ADSL: variants seen among roughly 807,000 people sequenced by gnomAD.
ADSL encodes the protein adenylosuccinate lyase.
ADSL carries 44 observed loss-of-function variants against 62.1 expected under a neutral mutation model. The observed-to-expected ratio is 0.71, with a 90% CI of 0.56 to 0.91. ADSL has a LOEUF of 0.91. Among genes scored for constraint, ADSL ranks in the 40% least tolerant of loss-of-function variants. The pLI is 0.00. For synonymous variants in ADSL, 198 were observed against 220.5 expected, an observed-to-expected ratio of 0.90 and a Z score of 0.90; for missense variants, 531 against 627.4, an observed-to-expected ratio of 0.85 and a Z score of 1.64.
At chr22:40,353,198 CA>C in intron 3 of ADSL, 81 bp downstream of exon 3, 1 of 1,142,874 alleles carries the variant, frequency 8.7e-7, no homozygotes, top group Non-Finnish European at 1.3e-6. Context: ...TAAATCAACA[CA>C]GTGTAAATTT....
At chr22:40,386,768 C>T (rs2048532433) in intron 2 of ADSL, among the ~76,000 whole-genome samples, 1 of 151,900 alleles carries the variant, frequency 6.6e-6, no homozygotes, top group African/African-American at 2.4e-5. Context: ...CCAAAGGATC[C>T]TTCTAACTCT....
chr22:40,347,580 C>T (rs1174312516), intron 1 of ADSL, among the ~76,000 whole-genome samples: 4 of 152,190 alleles, frequency 2.6e-5, no homozygotes, highest in Non-Finnish European at 5.9e-5. Context: ...GACTTCGGGC[C>T]TAGGACCTGT....
chr22:40,364,674 G>A, intron 11 of ADSL: 1 of 644,574 alleles, frequency 1.6e-6, no homozygotes, highest in Admixed American at 2.4e-5. Flanking sequence ...GCCAGAGCAA[G>A]GTGGGCATCC....
intron 2 of ADSL, among the ~76,000 whole-genome samples, chr22:40,379,649 G>C (rs568689624): frequency 2.0e-4 from 30 of 152,224 alleles, no homozygotes; most frequent in Middle Eastern, 3.4e-3. Context: ...CTTCATGAAG[G>C]CTTTTCCATA....
At chr22:40,363,948 G>C (rs1413186746) in intron 10 of ADSL, among the ~76,000 whole-genome samples, 1 of 152,034 alleles carries the variant, frequency 6.6e-6, no homozygotes, top group South Asian at 2.1e-4. Flanking sequence ...GTGGTGGCGG[G>C]CGCCTGTAGT....
intron 2 of ADSL, among the ~76,000 whole-genome samples, chr22:40,384,393 C>G (rs928161718): frequency 1.3e-5 from 2 of 152,094 alleles, no homozygotes; most frequent in Admixed American, 6.6e-5. Flanking sequence ...GATTTTAAGC[C>G]AGGCACAGTG....
At chr22:40,375,503 C>T (rs1405988724) in intron 2 of ADSL, among the ~76,000 whole-genome samples, 1 of 151,618 alleles carries the variant, frequency 6.6e-6, no homozygotes, top group Non-Finnish European at 1.5e-5. Flanking sequence ...TCACTTGAAC[C>T]TGGGAGGCAT....
intron 2 of ADSL, among the ~76,000 whole-genome samples, chr22:40,384,806 T>A (rs939034685): frequency 6.6e-6 from 1 of 152,130 alleles, no homozygotes; most frequent in Non-Finnish European, 1.5e-5. Flanking sequence ...CATATTTTAA[T>A]GTGTTGTGGT....
downstream of ADSL, among the ~76,000 whole-genome samples, chr22:40,371,574 A>G (rs1309010906): frequency 6.6e-6 from 1 of 152,150 alleles, no homozygotes; most frequent in Non-Finnish European, 1.5e-5. Context: ...ATAGGTACAT[A>G]TGTTTCCCGC....
In ADSL at chr22:40,366,670, T is replaced by C; in HGVS notation, c.*148T>C. 1.5e-6 allele frequency: 1 copy of C among 673,110 alleles called. No individual in the cohort carries two copies. Among genetic ancestry groups the C allele is most frequent in the Non-Finnish European group, 2.7e-6 (1 of 376,918 alleles). 41.7% of individuals were successfully genotyped at this position (673,110 alleles called of 1,614,324 possible). The stretch of plus-strand genomic sequence containing the variant: ...CATGGTGCTTTCCTGTTTCTCAGTC[T>C]CACATTTCTCAACAAGGCAAAAACA... On this transcript the variant is annotated 3_prime_UTR_variant, in exon 13 of 13. Transcript: ENST00000623063.
rs1555905988 is a variant in ADSL, at chr22:40,353,621, C to CTTCTTT, written c.402+506_402+507insCTTTTT. On this transcript the variant is annotated intron_variant, in intron 3 of 12. Coordinates refer to ENST00000623063, the MANE Select transcript of ADSL (RefSeq NM_000026.4). ...GACTAAATGGTTTTTAAAGCATAGC[C>CTTCTTT]TTTTTTTTTTTTTTTTTTTTTTGAG... 2.6e-5 allele frequency among the ~76,000 whole-genome samples: 3 copies of CTTCTTT among 114,804 alleles called. 1 individual carries two copies. Among genetic ancestry groups the CTTCTTT allele is most frequent in the Admixed American group, 2.2e-4 (2 of 9,292 alleles). The allele number at this position is 114,804 out of a possible 152,430, so 75.3% of individuals were successfully genotyped here.
intron 2 of ADSL, among the ~76,000 whole-genome samples, chr22:40,384,146 A>G (rs1315483366): frequency 2.0e-5 from 3 of 152,132 alleles, no homozygotes; most frequent in African/African-American, 7.2e-5. Flanking sequence ...CAGGAGGCTG[A>G]GGAGAGATGA....
downstream of ADSL, chr22:40,369,502 C>T (rs1018248667): frequency 7.0e-6 from 1 of 143,632 alleles, no homozygotes; most frequent in Non-Finnish European, 1.5e-5. Context: ...ATTCATATAT[C>T]TATCTTTTAT....
At chr22:40,359,859 A>G (rs2044712533) in intron 6 of ADSL, among the ~76,000 whole-genome samples, 1 of 152,172 alleles carries the variant, frequency 6.6e-6, no homozygotes, top group Non-Finnish European at 1.5e-5. Flanking sequence ...AATCTATAGG[A>G]AAAAAGAAAA....
In ADSL at chr22:40,384,127, CT is replaced by C. The variant is rs145508352; in HGVS notation, c.90-6102del. 3.3e-3 allele frequency among the ~76,000 whole-genome samples: 504 copies of C among 152,216 alleles called. 2 individuals carry two copies. Among genetic ancestry groups the C allele is most frequent in the African/African-American group, 0.012 (480 of 41,524 alleles). ...GTCATGATGGCATGCGCCCGTAGTC[CT>C]AGCTACTCAGGAGGCTGAGGAGAGA... On this transcript the variant is annotated intron_variant, in intron 2 of 2. Transcript: ENST00000498234.
At chr22:40,350,127 A>T in intron 2 of ADSL, 92 bp downstream of exon 2, 4 of 1,199,982 alleles carry the variant, frequency 3.3e-6, no homozygotes, top group Non-Finnish European at 4.8e-6. Context: ...AAGTGACACT[A>T]TAGATCTTTT....
At chr22:40,349,574 C>T (rs554272447) in intron 1 of ADSL, among the ~76,000 whole-genome samples, 45 of 152,008 alleles carry the variant, frequency 3.0e-4, no homozygotes, top group Admixed American at 2.1e-3. Context: ...AGGGTTTCAC[C>T]GTTGTTGCCC....
At chr22:40,386,380 G>A (rs1297367841) in intron 2 of ADSL, among the ~76,000 whole-genome samples, 7 of 152,154 alleles carry the variant, frequency 4.6e-5, no homozygotes, top group South Asian at 4.2e-4. Context: ...GGACAACCTC[G>A]TGACGTATCT....
chr22:40,361,419 A>G (rs2044784023), intron 8 of ADSL, 69 bp from the exon 9 acceptor site: 1 of 1,612,990 alleles, frequency 6.2e-7, no homozygotes, highest in Non-Finnish European at 8.5e-7. Flanking sequence ...CTCATTCAGC[A>G]TGCTTGCCTA....
Sources: gnomAD v4.1 joint callset for allele counts (sites outside exome capture counted in the v4.1 genomes callset) on GRCh38, gnomAD v4.1.1 for gene constraint, MANE v1.5 for transcripts, NCBI Gene and HGNC (gene_info 2026-07-23, HGNC 2026-07-21) for gene names.